The following JAM2 variants were observed in gnomAD, a reference collection of about 807,000 sequenced individuals.
JAM2 encodes the protein junctional adhesion molecule B.
Under a neutral mutation model 42.0 loss-of-function variants are expected in JAM2, and 17 were observed. The observed-to-expected ratio is 0.40, with a 90% CI of 0.28 to 0.61. The LOEUF (loss-of-function observed/expected upper bound fraction) is 0.61. Among genes scored for constraint, JAM2 ranks in the 20% least tolerant of loss-of-function variants. The probability of loss-of-function intolerance (pLI) is 0.37; values close to 1 mark genes in which losing one functional copy is unlikely to be tolerated. For synonymous variants in JAM2, 118 were observed against 128.6 expected (o/e 0.92, Z 0.56); for missense variants, 319 against 358.3 (o/e 0.89, Z 0.89).
chr21:25,656,079 A>C (rs2829847), intron 1 of JAM2, among the ~76,000 whole-genome samples: 62,575 of 151,654 alleles, frequency 0.41, 15,249 homozygotes, highest in African/African-American at 0.66. Context: ...CCTTTCAGTG[A>C]ATTTCTTTTG....
At chr21:25,687,709 C>T (rs1176747309) in intron 2 of JAM2, among the ~76,000 whole-genome samples, 1 of 152,178 alleles carries the variant, frequency 6.6e-6, no homozygotes, top group Non-Finnish European at 1.5e-5. Context: ...ACCCAAGGGC[C>T]TAGGCACTGG....
chr21:25,664,623 G>C (rs978341757), intron 1 of JAM2, among the ~76,000 whole-genome samples: 1 of 152,200 alleles, frequency 6.6e-6, no homozygotes, highest in Admixed American at 6.5e-5. Flanking sequence ...CTGCCATTCC[G>C]TGATTTCCAT....
intron 3 of JAM2, chr21:25,692,334 G>A (rs556548229): frequency 9.3e-5 from 15 of 161,852 alleles, no homozygotes; most frequent in African/African-American, 3.6e-4. Flanking sequence ...GGGAACCTTG[G>A]CTTGCTCTGT....
chr21:25,685,163 T>C (rs1216868148), intron 2 of JAM2, among the ~76,000 whole-genome samples: 2 of 151,956 alleles, frequency 1.3e-5, no homozygotes, highest in East Asian at 3.9e-4. Flanking sequence ...GTGGGGGGAA[T>C]TAAATGAGTT....
At chr21:25,696,812 C>G (rs2034047118) in intron 4 of JAM2, among the ~76,000 whole-genome samples, 1 of 152,138 alleles carries the variant, frequency 6.6e-6, no homozygotes, top group Non-Finnish European at 1.5e-5. Flanking sequence ...CCACCACATT[C>G]CCTGTTACAT....
At chr21:25,666,650 C>T (rs1339111942) in intron 1 of JAM2, among the ~76,000 whole-genome samples, 1 of 152,196 alleles carries the variant, frequency 6.6e-6, no homozygotes, top group Non-Finnish European at 1.5e-5. Context: ...GATCCTCCCA[C>T]CTCATCCTCC....
rs532232927 is a variant in JAM2 at position 25,652,479 on chromosome 21, T to C, written c.67+12591T>C. 2.0e-5 allele frequency among the ~76,000 whole-genome samples: 3 copies of C among 152,324 alleles called. No individual in the cohort carries two copies. The East Asian group carries it at 5.8e-4, about 29-fold the overall frequency. ...CATAAAGGAAATAATTATTTCAATC[T>C]GAACCTAAAAACATAATATTCCACC... On this transcript the variant is annotated intron_variant, in intron 1 of 9. Transcript: ENST00000480456.
chr21:25,711,999 AT>A (rs1483338411), intron 8 of JAM2: 1 of 229,090 alleles, frequency 4.4e-6, no homozygotes, highest in Non-Finnish European at 8.7e-6. Context: ...AAATTTTGAG[AT>A]TATAATAGTC....
intron 3 of JAM2, among the ~76,000 whole-genome samples, chr21:25,692,862 A>C (rs910049704): frequency 4.6e-5 from 7 of 152,198 alleles, no homozygotes; most frequent in African/African-American, 1.7e-4. Flanking sequence ...CTTACCTAGA[A>C]AGTAAATTTT....
intron 1 of JAM2, among the ~76,000 whole-genome samples, chr21:25,657,293 C>A (rs891475418): frequency 6.6e-6 from 1 of 152,138 alleles, no homozygotes; most frequent in African/African-American, 2.4e-5. Context: ...GGATTACAGG[C>A]GTAAGCCACT....
chr21:25,698,181 C>A (rs1464847447), intron 4 of JAM2, among the ~76,000 whole-genome samples: 1 of 152,196 alleles, frequency 6.6e-6, no homozygotes, highest in Non-Finnish European at 1.5e-5. Flanking sequence ...AAGTTCCTTT[C>A]TCACTTAAGT....
intron 1 of JAM2, among the ~76,000 whole-genome samples, chr21:25,652,133 C>A (rs1015454426): frequency 1.3e-5 from 2 of 152,118 alleles, no homozygotes; most frequent in East Asian, 3.8e-4. Context: ...CACTTGTAAT[C>A]CCCATACTTT....
intron 1 of JAM2, among the ~76,000 whole-genome samples, chr21:25,643,161 A>C (rs1015554282): frequency 6.6e-6 from 1 of 152,250 alleles, no homozygotes; most frequent in Non-Finnish European, 1.5e-5. Context: ...GGTAGGTAAA[A>C]GAAGTGTATA....
At chr21:25,658,850 C>T (rs902833626) in intron 1 of JAM2, among the ~76,000 whole-genome samples, 1 of 152,172 alleles carries the variant, frequency 6.6e-6, no homozygotes, top group Non-Finnish European at 1.5e-5. Flanking sequence ...AAATGAGAAA[C>T]ACGGGAGCTT....
intron 9 of JAM2, among the ~76,000 whole-genome samples, chr21:25,713,952 C>T (rs2034431980): frequency 1.3e-5 from 2 of 152,212 alleles, no homozygotes; most frequent in South Asian, 4.1e-4. Flanking sequence ...TCTCTTGTGC[C>T]CTACCACAGG....
At position 25,639,520 on chromosome 21, in the gene JAM2, C is replaced by T. The variant is rs928618280; in HGVS notation, c.-302C>T. ...CGGGCGCTGCTCTCCTCCTGCTGCCCCCTCGCTAGGACCCGGCGGACGCCT... is the reference window on the plus strand; with the variant it reads ...CGGGCGCTGCTCTCCTCCTGCTGCCTCCTCGCTAGGACCCGGCGGACGCCT... On this transcript the variant is annotated 5_prime_UTR_variant, in exon 1 of 10. Coordinates refer to ENST00000480456, the MANE Select transcript of JAM2 (RefSeq NM_021219.4). The T allele has an allele frequency of 2.6e-5, 8 of 312,082 alleles. No homozygotes were observed. Among genetic ancestry groups the T allele is most frequent in the African/African-American group, 4.3e-5 (2 of 46,238 alleles). The allele number at this position is 312,082 out of a possible 1,614,324, so 19.3% of individuals were successfully genotyped here. A position where few individuals can be genotyped will look rare whatever the true frequency, so the allele number is the denominator to read the frequency against.
chr21:25,639,830 G>C lies in JAM2; in HGVS notation c.9G>C (p.Arg3Ser), dbSNP rs775492859. The part of the protein sequence containing the change: MA[R>S]RSRHRLLLLL... ...GCTGCCGCCCCGGGAAGATGGCGAG[G>C]AGGAGCCGCCACCGCCTCCTCCTGC... The change falls in exon 1 of 10, where the codon AGG becomes AGC. Residue 3 changes from arginine to serine, a missense_variant. Transcript: ENST00000480456. 2.2e-5 allele frequency: 35 copies of C among 1,585,504 alleles called. No homozygotes were observed. Among genetic ancestry groups the C allele is most frequent in the Non-Finnish European group, 2.8e-5 (33 of 1,168,880 alleles).
At chr21:25,654,508 T>A (rs2032872048) in intron 1 of JAM2, among the ~76,000 whole-genome samples, 2 of 151,728 alleles carry the variant, frequency 1.3e-5, no homozygotes, top group African/African-American at 4.8e-5. Flanking sequence ...ATTCGCCAGG[T>A]GTGGTGGCTC....
chr21:25,711,403 G>A (rs1468592110), intron 8 of JAM2: 1 of 456,190 alleles, frequency 2.2e-6, no homozygotes, highest in Non-Finnish European at 4.4e-6. Flanking sequence ...TGGGCGTAGA[G>A]AGAAGATGGA....
Sources: allele counts gnomAD v4.1 joint callset (sites outside exome capture counted in the v4.1 genomes callset), GRCh38; gene constraint gnomAD v4.1.1; transcripts MANE v1.5; gene names NCBI Gene and HGNC (gene_info 2026-07-23, HGNC 2026-07-21).